The following OGG1 variants were observed in gnomAD, a reference collection of about 807,000 sequenced individuals.
The protein encoded by OGG1 is N-glycosylase/DNA lyase.
A neutral mutation model predicts 42.3 loss-of-function variants in OGG1; 35 were observed. The observed-to-expected ratio is 0.83, with a 90% CI of 0.63 to 1.10. The LOEUF is 1.10. Among genes scored for constraint, OGG1 ranks in the 50% least tolerant of loss-of-function variants. The pLI is 0.00. For synonymous variants in OGG1, 189 were observed against 179.0 expected (o/e 1.06, Z -0.44); for missense variants, 484 against 446.7 (o/e 1.08, Z -0.75).
At chr3:9,787,624 G>C in intron 3 of OGG1, 1 of 1,264,068 alleles carries the variant, frequency 7.9e-7, no homozygotes, top group Non-Finnish European at 1.1e-6. Context: ...TCAGGTCACA[G>C]CAATTGCCTC....
At chr3:9,783,270 G>A (rs1486006338) in intron 3 of OGG1, 1 of 151,460 alleles carries the variant, frequency 6.6e-6, no homozygotes, top group African/African-American at 2.4e-5. Context: ...TGTGAATATG[G>A]GTAACACTAC....
chr3:9,760,663 A>G (rs140837712), downstream of OGG1: 47 of 1,613,970 alleles, frequency 2.9e-5, no homozygotes, highest in African/African-American at 4.9e-4. Flanking sequence ...TACCAGAGTC[A>G]GAGATGTCGT....
chr3:9,756,826 C>G lies in OGG1; in HGVS notation c.948+10C>G. On this transcript the variant is annotated intron_variant, in intron 6 of 6. Transcript: ENST00000344629. ...TGGCTGGGCCCAAGCGGTGAGTGTA[C>G]CTAGGTGTCCTCCCTAGGTTTCCTC... is the stretch of plus-strand genomic sequence containing the variant. The G allele has an allele frequency of 6.2e-7, 1 of 1,613,716 alleles. No homozygotes were observed. The highest frequency in any genetic ancestry group is 8.5e-7 in the Non-Finnish European group (1 of 1,179,952).
At chr3:9,771,309 G>T (rs962077460), downstream of OGG1, among the ~76,000 whole-genome samples, 1 of 152,132 alleles carries the variant, frequency 6.6e-6, no homozygotes, top group Non-Finnish European at 1.5e-5. Context: ...ACAGGCATGA[G>T]CCACTGCACC....
At chr3:9,774,938 A>G (rs1181082203) in intron 2 of OGG1, among the ~76,000 whole-genome samples, 4 of 152,026 alleles carry the variant, frequency 2.6e-5, no homozygotes, top group South Asian at 4.1e-4. Flanking sequence ...ACAAGGCTAT[A>G]TGCTCCAAGA....
At chr3:9,760,828 A>G, downstream of OGG1, 1 of 1,606,808 alleles carries the variant, frequency 6.2e-7, no homozygotes, top group Admixed American at 1.7e-5. Flanking sequence ...TCCGGGGTGG[A>G]GCACTGGGGC....
intron 2 of OGG1, among the ~76,000 whole-genome samples, chr3:9,774,027 C>G (rs1027068739): frequency 2.6e-5 from 4 of 152,160 alleles, no homozygotes; most frequent in Non-Finnish European, 4.4e-5. Context: ...TTGAACCTGA[C>G]AGAAAAGAAG....
At chr3:9,764,016 G>A (rs1174823151) in intron 7 of OGG1, among the ~76,000 whole-genome samples, 1 of 152,084 alleles carries the variant, frequency 6.6e-6, no homozygotes, top group Admixed American at 6.6e-5. Flanking sequence ...AGTTTTCTGT[G>A]TTTACATGTT....
At chr3:9,753,876 C>T (rs2077420208) in intron 3 of OGG1, among the ~76,000 whole-genome samples, 1 of 152,184 alleles carries the variant, frequency 6.6e-6, no homozygotes, top group Non-Finnish European at 1.5e-5. Flanking sequence ...GTAGCTCATG[C>T]TGGTAATTTC....
chr3:9,787,742 A>G (rs1188004658), exon 4 of OGG1: 4 of 1,283,518 alleles, frequency 3.1e-6, no homozygotes, highest in Non-Finnish European at 3.1e-6. Context: ...ATTTTTAAGA[A>G]ATCAGATAAG....
At chr3:9,760,781 A>G, downstream of OGG1, 4 of 1,613,872 alleles carry the variant, frequency 2.5e-6, no homozygotes, top group Non-Finnish European at 3.4e-6. Context: ...GGGCAGGGAG[A>G]AACTCATCCT....
At chr3:9,754,976 G>A in intron 4 of OGG1, 91 bp downstream of exon 4, 1 of 1,046,548 alleles carries the variant, frequency 9.6e-7, no homozygotes, top group Non-Finnish European at 1.4e-6. Context: ...GTGGAGGCTT[G>A]GCTTCCGGAG....
downstream of OGG1, among the ~76,000 whole-genome samples, chr3:9,790,170 A>G (rs1486970579): frequency 6.6e-6 from 1 of 152,186 alleles, no homozygotes; most frequent in Non-Finnish European, 1.5e-5. Context: ...TATACTTCTC[A>G]TAATCTCATT....
In OGG1 at chr3:9,766,307, C is replaced by T. The variant is rs1575261031; in HGVS notation, c.*476C>T. 6 of 697,864 alleles carry T rather than the reference C, an allele frequency of 8.6e-6. No homozygotes were observed. The East Asian group carries it at 1.4e-4, about 16-fold the overall frequency. The allele number at this position is 697,864 out of a possible 1,614,324, so 43.2% of individuals were successfully genotyped here. A position where few individuals can be genotyped will look rare whatever the true frequency, so the allele number is the denominator to read the frequency against. On this transcript the variant is annotated 3_prime_UTR_variant, in exon 8 of 8. Transcript: ENST00000302008. ...CATTATGTGGCCCTCTGGATCCAGC[C>T]ATGCCTGAGGTCTACCCCTGGGCTT... is the stretch of plus-strand genomic sequence containing the variant.
chr3:9,775,258 A>C (rs139958044), intron 2 of OGG1, among the ~76,000 whole-genome samples: 2 of 152,246 alleles, frequency 1.3e-5, no homozygotes, highest in African/African-American at 4.8e-5. Flanking sequence ...CCCCAAAAAA[A>C]CAAAAAACAA....
chr3:9,761,064 AGCG>A, downstream of OGG1: 1 of 397,666 alleles, frequency 2.5e-6, no homozygotes, highest in Non-Finnish European at 4.6e-6. Flanking sequence ...TCACCTCCAC[AGCG>A]AGCCCTTCCC....
intron 2 of OGG1, among the ~76,000 whole-genome samples, chr3:9,778,667 G>T (rs1297444941): frequency 6.6e-6 from 1 of 152,160 alleles, no homozygotes; most frequent in Non-Finnish European, 1.5e-5. Context: ...AACAAGAAGT[G>T]GAACTCTCCT....
intron 2 of OGG1, among the ~76,000 whole-genome samples, chr3:9,776,597 G>A (rs1455132401): frequency 6.6e-6 from 1 of 151,982 alleles, no homozygotes; most frequent in African/African-American, 2.4e-5. Flanking sequence ...CACCATGTTA[G>A]CCAGGATAGT....
chr3:9,787,652 C>T (rs2078647378), intron 3 of OGG1: 1 of 1,386,764 alleles, frequency 7.2e-7, no homozygotes, highest in African/African-American at 1.4e-5. Flanking sequence ...AATTAGGAGC[C>T]TTCAGGTCAC....
Sources: allele counts gnomAD v4.1 joint callset (sites outside exome capture counted in the v4.1 genomes callset), GRCh38; gene constraint gnomAD v4.1.1; transcripts MANE v1.5; gene names NCBI Gene and HGNC (gene_info 2026-07-23, HGNC 2026-07-21).